The following NELL2 variants were observed in gnomAD, a reference collection of about 807,000 sequenced individuals.
The protein encoded by NELL2 is protein kinase C-binding protein NELL2.
A neutral mutation model predicts 109.6 loss-of-function variants in NELL2; 41 were observed. The observed-to-expected ratio is 0.37, with a 90% CI of 0.29 to 0.49. The LOEUF is 0.49. NELL2 is among the 20% of genes least tolerant of loss of function. The probability of loss-of-function intolerance (pLI) is 0.98; values close to 1 mark genes in which losing one functional copy is unlikely to be tolerated. For synonymous variants in NELL2, 355 were observed against 344.7 expected (o/e 1.03, Z -0.33); for missense variants, 900 against 1,008.3 (o/e 0.89, Z 1.45).
chr12:44,791,107 A>G (rs1942390393), intron 3 of NELL2, among the ~76,000 whole-genome samples: 2 of 22,678 alleles, frequency 8.8e-5, no homozygotes, highest in African/African-American at 2.0e-4. Flanking sequence ...GTATATATAT[A>G]TGTATATATA....
At chr12:44,918,937 G>C (rs1423390138), upstream of NELL2, among the ~76,000 whole-genome samples, 1 of 152,124 alleles carries the variant, frequency 6.6e-6, no homozygotes, top group Non-Finnish European at 1.5e-5. Flanking sequence ...TTGAGGATAT[G>C]ATCACATGAC....
intron 9 of NELL2, among the ~76,000 whole-genome samples, chr12:44,745,519 T>G (rs1940288690): frequency 6.6e-6 from 1 of 152,210 alleles, no homozygotes; most frequent in Non-Finnish European, 1.5e-5. Context: ...TTGTCCCTGT[T>G]TGCAGATTAC....
At chr12:44,680,779 T>A (rs1948469037) in intron 12 of NELL2, among the ~76,000 whole-genome samples, 1 of 152,174 alleles carries the variant, frequency 6.6e-6, no homozygotes, top group Non-Finnish European at 1.5e-5. Flanking sequence ...CACATTCATT[T>A]AACTTGTACT....
chr12:44,542,269 T>G (rs1307285026), intron 15 of NELL2, among the ~76,000 whole-genome samples: 1 of 150,374 alleles, frequency 6.7e-6, no homozygotes, highest in East Asian at 2.0e-4. Flanking sequence ...TCCTTGTACC[T>G]CAATGTCCTC....
intron 9 of NELL2, among the ~76,000 whole-genome samples, chr12:44,744,917 A>C (rs1180921975): frequency 6.6e-6 from 1 of 152,196 alleles, no homozygotes; most frequent in African/African-American, 2.4e-5. Flanking sequence ...TATTCCAACC[A>C]ATAGAAAAAG....
intron 1 of NELL2, among the ~76,000 whole-genome samples, chr12:44,885,369 T>A (rs1001000729): frequency 6.6e-6 from 1 of 151,998 alleles, no homozygotes; most frequent in African/African-American, 2.4e-5. Context: ...AATGATATGG[T>A]CATCTACCTT....
At chr12:44,591,532 C>T (rs932305458) in intron 15 of NELL2, among the ~76,000 whole-genome samples, 1 of 152,020 alleles carries the variant, frequency 6.6e-6, no homozygotes, top group Non-Finnish European at 1.5e-5. Context: ...AAGAGAAATA[C>T]CACATGCTGT....
intron 12 of NELL2, among the ~76,000 whole-genome samples, chr12:44,699,563 T>C (rs899087435): frequency 1.3e-5 from 2 of 152,092 alleles, no homozygotes; most frequent in African/African-American, 2.4e-5. Context: ...CCTTTTTCCA[T>C]CCCTTTGTAG....
At chr12:44,744,713 T>C (rs1254663157) in intron 9 of NELL2, among the ~76,000 whole-genome samples, 1 of 152,166 alleles carries the variant, frequency 6.6e-6, no homozygotes, top group Admixed American at 6.5e-5. Flanking sequence ...AAGAAATGGA[T>C]AAATTCCTCG....
At chr12:44,592,576 A>G (rs918607376) in intron 15 of NELL2, among the ~76,000 whole-genome samples, 1 of 152,284 alleles carries the variant, frequency 6.6e-6, no homozygotes, top group East Asian at 1.9e-4. Context: ...AGGGAGGATA[A>G]AAAGAGAAAC....
At chr12:44,694,783 T>C (rs1425776565) in intron 12 of NELL2, among the ~76,000 whole-genome samples, 1 of 152,070 alleles carries the variant, frequency 6.6e-6, no homozygotes, top group Non-Finnish European at 1.5e-5. Context: ...AGCAGGGACT[T>C]GTGTGCTGGG....
At position 44,758,082 on chromosome 12, in the gene NELL2, C is replaced by A. The variant is rs531150003; in HGVS notation, c.994+16665G>T. On this transcript the variant is annotated intron_variant, in intron 9 of 19. Coordinates refer to ENST00000429094, the MANE Select transcript of NELL2 (RefSeq NM_001145108.2). ...CACACACTCCCCCGCCACACACATA[C>A]ACACACAAGGTATATGAAAACTCAT... 2.0e-5 allele frequency among the ~76,000 whole-genome samples: 3 copies of A among 152,114 alleles called. No homozygotes were observed. In the East Asian group the frequency reaches 5.8e-4, roughly 29 times the overall value.
At chr12:44,564,355 G>A (rs12304042) in intron 15 of NELL2, among the ~76,000 whole-genome samples, 15,242 of 152,162 alleles carry the variant, frequency 0.1, 2,590 homozygotes, top group African/African-American at 0.35. Context: ...TTGAATATGA[G>A]TTATAATTTC....
intron 1 of NELL2, among the ~76,000 whole-genome samples, chr12:44,882,646 G>A (rs1287644647): frequency 1.3e-5 from 2 of 151,444 alleles, no homozygotes; most frequent in Non-Finnish European, 2.9e-5. Context: ...TCCTGCCTCA[G>A]CCTCCCGAGT....
chr12:44,679,884 T>G (rs986881176), intron 12 of NELL2, among the ~76,000 whole-genome samples: 1 of 152,120 alleles, frequency 6.6e-6, no homozygotes, highest in Admixed American at 6.6e-5. Flanking sequence ...AGGGATTCCA[T>G]CTGTCTCTAC....
At chr12:44,900,984 TCAAAACAAAACAAAA>T (rs140014427) in intron 1 of NELL2, among the ~76,000 whole-genome samples, 42 of 149,980 alleles carry the variant, frequency 2.8e-4, no homozygotes, top group African/African-American at 6.9e-4. Context: ...TAAGAAACTG[TCAAAACAAAACAAAA>T]CAAAACAAAA....
At chr12:44,592,693 C>T (rs1286907357) in intron 15 of NELL2, among the ~76,000 whole-genome samples, 1 of 151,968 alleles carries the variant, frequency 6.6e-6, no homozygotes, top group African/African-American at 2.4e-5. Context: ...ATTTTGAGGG[C>T]CCCTCAGGAA....
chr12:44,686,432 C>G (rs565108636), intron 12 of NELL2, among the ~76,000 whole-genome samples: 45 of 152,214 alleles, frequency 3.0e-4, no homozygotes, highest in Non-Finnish European at 5.6e-4. Flanking sequence ...GTCATTCTCC[C>G]TCCAGCTTTA....
At chr12:44,611,809 G>A (rs925800863) in intron 13 of NELL2, among the ~76,000 whole-genome samples, 2 of 151,928 alleles carry the variant, frequency 1.3e-5, no homozygotes, top group Non-Finnish European at 2.9e-5. Context: ...ATTCAGCAAA[G>A]ATGTAAATGT....
Sources: allele counts gnomAD v4.1 joint callset (sites outside exome capture counted in the v4.1 genomes callset), GRCh38; gene constraint gnomAD v4.1.1; transcripts MANE v1.5; gene names NCBI Gene and HGNC (gene_info 2026-07-23, HGNC 2026-07-21).